Variants in CWC27 observed in about 807,000 individuals in gnomAD.
The protein encoded by CWC27 is spliceosome-associated protein CWC27 homolog.
A neutral mutation model predicts 63.6 loss-of-function variants in CWC27; 47 were observed. The observed-to-expected ratio is 0.74, with a 90% CI of 0.58 to 0.94. The LOEUF is 0.94. Among genes scored for constraint, CWC27 ranks in the 40% least tolerant of loss-of-function variants. The pLI is 0.00. For synonymous variants in CWC27, 175 were observed against 179.8 expected (o/e 0.97, Z 0.22); for missense variants, 495 against 554.3 (o/e 0.89, Z 1.07).
intron 13 of CWC27, among the ~76,000 whole-genome samples, chr5:64,978,586 T>A (rs1050326127): frequency 7.0e-6 from 1 of 143,368 alleles, no homozygotes; most frequent in African/African-American, 2.6e-5. Context: ...TTTAGTTTAG[T>A]TTTGTTTTGG....
chr5:64,887,810 AT>A (rs1472169953), intron 11 of CWC27, among the ~76,000 whole-genome samples: 1 of 152,344 alleles, frequency 6.6e-6, no homozygotes, highest in African/African-American at 2.4e-5. Flanking sequence ...TTCTACCATT[AT>A]AACAGCAATA....
At chr5:64,782,222 C>T (rs1043523445) in intron 3 of CWC27, among the ~76,000 whole-genome samples, 189 bp downstream of exon 3, 8 of 151,848 alleles carry the variant, frequency 5.3e-5, no homozygotes, top group Non-Finnish European at 7.4e-5. Context: ...CCGAGGGGGG[C>T]GGATCACTTG....
chr5:64,938,902 A>G (rs547028171), intron 11 of CWC27, among the ~76,000 whole-genome samples: 3 of 152,220 alleles, frequency 2.0e-5, no homozygotes, highest in East Asian at 3.9e-4. Context: ...CGGTTCTGCT[A>G]TTGATACTTG....
intron 11 of CWC27, among the ~76,000 whole-genome samples, chr5:64,901,047 G>A (rs968888413): frequency 7.9e-5 from 12 of 151,462 alleles, no homozygotes; most frequent in Non-Finnish European, 1.8e-4. Context: ...CATATTTTAT[G>A]TATGGCCCAA....
intron 10 of CWC27, among the ~76,000 whole-genome samples, chr5:64,817,768 C>T (rs2112240391): frequency 6.6e-6 from 1 of 152,152 alleles, no homozygotes; most frequent in South Asian, 2.1e-4. Flanking sequence ...ATAGCTATAC[C>T]ATGAGTCTCA....
intron 10 of CWC27, among the ~76,000 whole-genome samples, chr5:64,828,155 G>A (rs756213353): frequency 4.6e-5 from 7 of 151,968 alleles, no homozygotes; most frequent in South Asian, 2.1e-4. Context: ...TTCTGAATGC[G>A]TTCATTTTAC....
intron 11 of CWC27, among the ~76,000 whole-genome samples, chr5:64,961,328 A>G (rs944690306): frequency 5.9e-5 from 9 of 152,334 alleles, no homozygotes; most frequent in South Asian, 2.1e-4. Flanking sequence ...AAGATCCTCA[A>G]GCTACTTCCT....
At chr5:64,973,803 C>T (rs375212504) in intron 12 of CWC27, among the ~76,000 whole-genome samples, 1 of 152,150 alleles carries the variant, frequency 6.6e-6, no homozygotes, top group South Asian at 2.1e-4. Flanking sequence ...CCACTTGTAA[C>T]TCAGGGAGAA....
At chr5:64,897,784 A>G (rs1020582356) in intron 11 of CWC27, among the ~76,000 whole-genome samples, 1 of 152,140 alleles carries the variant, frequency 6.6e-6, no homozygotes, top group African/African-American at 2.4e-5. Flanking sequence ...CGTTAAGGCA[A>G]AATGTATTAC....
At chr5:64,810,817 T>G (rs1442104887) in intron 10 of CWC27, among the ~76,000 whole-genome samples, 1 of 152,102 alleles carries the variant, frequency 6.6e-6, no homozygotes, top group Non-Finnish European at 1.5e-5. Context: ...GGATGATATT[T>G]TGTAGGGTTA....
intron 10 of CWC27, among the ~76,000 whole-genome samples, chr5:64,870,682 T>C: frequency 6.6e-6 from 1 of 152,096 alleles, no homozygotes. Context: ...ACTTCTTTTT[T>C]TCTAAACAGA....
intron 7 of CWC27, among the ~76,000 whole-genome samples, chr5:64,797,624 A>G (rs1347936915): frequency 6.6e-6 from 1 of 152,272 alleles, no homozygotes; most frequent in African/African-American, 2.4e-5. Flanking sequence ...GTTTTGGAAG[A>G]TAAACAAGAA....
intron 10 of CWC27, among the ~76,000 whole-genome samples, chr5:64,860,802 A>G (rs968921504): frequency 6.6e-6 from 1 of 152,228 alleles, no homozygotes; most frequent in Non-Finnish European, 1.5e-5. Context: ...ATCAAAATAT[A>G]TAATTAGTTG....
At chr5:64,938,394 G>T (rs186527701) in intron 11 of CWC27, among the ~76,000 whole-genome samples, 3 of 152,076 alleles carry the variant, frequency 2.0e-5, no homozygotes, top group African/African-American at 4.8e-5. Context: ...GAAATTCTGG[G>T]TTGAAAATTC....
rs768593844 is a variant in CWC27, at chr5:64,818,071, A to G, written c.938+13685A>G. Among the ~76,000 whole-genome samples the G allele has an allele frequency of 5.1e-4, 78 of 152,110 alleles. 1 individual carries two copies. Among genetic ancestry groups the G allele is most frequent in the Admixed American group, 9.8e-4 (15 of 15,244 alleles). ...GGTGTTGATTTACCTACTTCTTTAC[A>G]GTTATCTTATTTTAAAAGTCTAAAA... is the stretch of plus-strand genomic sequence containing the variant. On this transcript the variant is annotated intron_variant, in intron 10 of 13. Coordinates refer to ENST00000381070, the MANE Select transcript of CWC27 (RefSeq NM_005869.4).
rs1211067548 is a variant in CWC27, at chr5:64,885,432, T to C, written c.939-11T>C. Reference sequence around the variant, plus strand: ...ATATTATATACTTATATAACTCTTTTTGCTTTATAGTGAAGAGCTCAGAAA... The same window carrying C: ...ATATTATATACTTATATAACTCTTTCTGCTTTATAGTGAAGAGCTCAGAAA... On this transcript the variant is annotated splice_polypyrimidine_tract_variant and intron_variant, in intron 10 of 13. Coordinates refer to ENST00000381070, the MANE Select transcript of CWC27 (RefSeq NM_005869.4). 6.3e-7 allele frequency: 1 copy of C among 1,575,154 alleles called. No individual in the cohort carries two copies. Among genetic ancestry groups the C allele is most frequent in the South Asian group, 1.2e-5 (1 of 85,036 alleles).
At chr5:64,794,471 C>T (rs1744188395) in intron 7 of CWC27, among the ~76,000 whole-genome samples, 1 of 151,990 alleles carries the variant, frequency 6.6e-6, no homozygotes, top group South Asian at 2.1e-4. Context: ...AATAAGATCT[C>T]TGGAATAAGG....
intron 13 of CWC27, among the ~76,000 whole-genome samples, chr5:64,989,142 G>C (rs1023245142): frequency 6.6e-6 from 1 of 152,184 alleles, no homozygotes; most frequent in Non-Finnish European, 1.5e-5. Context: ...AGAAAAGAAA[G>C]GGGGAAAAGC....
chr5:65,000,797 A>G (rs1749718409), intron 13 of CWC27, among the ~76,000 whole-genome samples: 1 of 151,970 alleles, frequency 6.6e-6, no homozygotes, highest in African/African-American at 2.4e-5. Context: ...CGGTATTGCT[A>G]TGGCTATTTG....
Sources: gnomAD v4.1 joint callset for allele counts (sites outside exome capture counted in the v4.1 genomes callset) on GRCh38, gnomAD v4.1.1 for gene constraint, MANE v1.5 for transcripts, NCBI Gene and HGNC (gene_info 2026-07-23, HGNC 2026-07-21) for gene names.